The following CD44 variants were observed in gnomAD, a reference collection of about 807,000 sequenced individuals.
CD44 encodes CD44 antigen.
CD44 carries 49 observed loss-of-function variants against 88.8 expected under a neutral mutation model. The observed-to-expected ratio is 0.55, with a 90% CI of 0.44 to 0.70. The LOEUF is 0.70. CD44 is among the 30% of genes least tolerant of loss of function. The pLI is 0.00. For missense variants in CD44, 883 were observed against 913.8 expected, an observed-to-expected ratio of 0.97 and a Z score of 0.43; for synonymous variants, 325 against 312.3, an observed-to-expected ratio of 1.04 and a Z score of -0.43.
At chr11:35,226,338 CCT>C (rs1949686875) in intron 17 of CD44, among the ~76,000 whole-genome samples, 2 of 152,290 alleles carry the variant, frequency 1.3e-5, no homozygotes, top group Non-Finnish European at 2.9e-5. Context: ...TCATTCCATC[CCT>C]CAACCACCCA....
chr11:35,184,601 T>C (rs1945471986), intron 3 of CD44, among the ~76,000 whole-genome samples: 1 of 152,174 alleles, frequency 6.6e-6, no homozygotes, highest in African/African-American at 2.4e-5. Flanking sequence ...TTTTGGAAAA[T>C]ATTTTTGAAA....
At chr11:35,199,177 C>T (rs1591212832) in intron 7 of CD44, among the ~76,000 whole-genome samples, 2 of 152,282 alleles carry the variant, frequency 1.3e-5, no homozygotes, top group East Asian at 3.9e-4. Context: ...TTTAGCAAGA[C>T]ATTGCCACTT....
At chr11:35,218,521 G>T (rs1949025366) in intron 15 of CD44, among the ~76,000 whole-genome samples, 1 of 151,944 alleles carries the variant, frequency 6.6e-6, no homozygotes, top group Non-Finnish European at 1.5e-5. Flanking sequence ...TAGAGACGGG[G>T]TTTCACCATG....
At position 35,186,875 on chromosome 11, in the gene CD44, T is replaced by G; in HGVS notation, c.411T>G (p.Asn137Lys). ...GTACATCAGTCACAGACCTGCCCAA[T>G]GCCTTTGATGGACCAATTACCATAA... ...EDCTSVTDLP[N>K]AFDGPITITI... Residue 137 changes from asparagine (N) to lysine (K), a missense_variant, in exon 4 of 18, where the codon AAT becomes AAG. Coordinates refer to ENST00000428726, the MANE Select transcript of CD44 (RefSeq NM_000610.4). The G allele has an allele frequency of 6.2e-7, 1 of 1,606,354 alleles. No individual in the cohort carries two copies. Among genetic ancestry groups the G allele is most frequent in the East Asian group, 2.2e-5 (1 of 44,842 alleles).
intron 15 of CD44, among the ~76,000 whole-genome samples, chr11:35,216,997 G>A (rs1281266951): frequency 6.6e-6 from 1 of 152,204 alleles, no homozygotes; most frequent in East Asian, 1.9e-4. Context: ...CAGATTACAT[G>A]TCATCTCCCA....
At position 35,213,332 on chromosome 11, in the gene CD44, A is replaced by G. The variant is rs569283763; in HGVS notation, c.1811-1520A>G. Reference sequence around the variant, plus strand: ...CAATTCTCATCCTTGGTTTTCTTCAAAAACACTCACCCACATAAATCTCAT... The same window carrying G: ...CAATTCTCATCCTTGGTTTTCTTCAGAAACACTCACCCACATAAATCTCAT... On this transcript the variant is annotated intron_variant, in intron 14 of 17. Transcript: ENST00000428726. Among the ~76,000 whole-genome samples, 6 of 152,272 alleles carry G rather than the reference A, an allele frequency of 3.9e-5. No individual in the cohort carries two copies. The East Asian group carries it at 1.2e-3, about 29-fold the overall frequency.
intron 7 of CD44, 109 bp from the exon 8 acceptor site, chr11:35,200,973 G>T (rs1167984065): frequency 1.2e-6 from 1 of 807,186 alleles, no homozygotes; most frequent in Non-Finnish European, 2.2e-6. Flanking sequence ...ATACAACCTG[G>T]TATAGATGAT....
chr11:35,144,047 G>A (rs768973492), intron 1 of CD44, among the ~76,000 whole-genome samples: 1 of 152,226 alleles, frequency 6.6e-6, no homozygotes, highest in Non-Finnish European at 1.5e-5. Context: ...GCTGACATGG[G>A]TCTTGAACTG....
intron 1 of CD44, among the ~76,000 whole-genome samples, chr11:35,167,400 C>T (rs1943417000): frequency 6.6e-6 from 1 of 152,148 alleles, no homozygotes; most frequent in African/African-American, 2.4e-5. Context: ...ATTGTGCCTC[C>T]TGGCTTTAAA....
intron 3 of CD44, among the ~76,000 whole-genome samples, chr11:35,181,789 T>TA (rs1945043630): frequency 1.0e-5 from 1 of 98,900 alleles, no homozygotes; most frequent in Non-Finnish European, 1.9e-5. Flanking sequence ...TTTATATAAA[T>TA]TTATATATAA....
chr11:35,215,935 C>A (rs1291676341), intron 15 of CD44, among the ~76,000 whole-genome samples: 2 of 149,208 alleles, frequency 1.3e-5, no homozygotes, highest in African/African-American at 2.5e-5. Flanking sequence ...TAGAGTTTAT[C>A]TAGTATGAAC....
chr11:35,152,897 C>G (rs925210559), intron 1 of CD44, among the ~76,000 whole-genome samples: 1 of 152,182 alleles, frequency 6.6e-6, no homozygotes. Flanking sequence ...TCATCAGATG[C>G]TTTGCTAGTG....
At position 35,211,028 on chromosome 11, in the gene CD44, T is replaced by C. The variant is rs181700766; in HGVS notation, c.1607-218T>C. Reference sequence around the variant, plus strand: ...TTGCAACAAATGCCAATTCTGGGTATTAAGATCACCAAAATCTCTTCTGTT... The same window carrying C: ...TTGCAACAAATGCCAATTCTGGGTACTAAGATCACCAAAATCTCTTCTGTT... On this transcript the variant is annotated intron_variant, in intron 13 of 17. Transcript: ENST00000428726. Among the ~76,000 whole-genome samples the C allele has an allele frequency of 2.0e-5, 3 of 152,352 alleles. No individual in the cohort carries two copies. In the East Asian group the frequency reaches 5.8e-4, roughly 29 times the overall value.
chr11:35,163,155 T>C (rs1302897384), intron 1 of CD44, among the ~76,000 whole-genome samples: 1 of 152,230 alleles, frequency 6.6e-6, no homozygotes, highest in Non-Finnish European at 1.5e-5. Context: ...TGAATCTTGT[T>C]CTGTTTTAAT....
chr11:35,206,299 GCTGA>G (rs1241401628), intron 11 of CD44, 56 bp downstream of exon 11: 1 of 1,512,720 alleles, frequency 6.6e-7, no homozygotes, highest in African/African-American at 1.4e-5. Flanking sequence ...CTGAGTGACT[GCTGA>G]CTATTTTTCT....
chr11:35,150,611 T>C (rs942113757), intron 1 of CD44, among the ~76,000 whole-genome samples: 15 of 152,234 alleles, frequency 9.9e-5, no homozygotes, highest in African/African-American at 3.6e-4. Context: ...GCTGACTTTA[T>C]ACCCATCTGG....
At chr11:35,183,117 T>C (rs1945316348) in intron 3 of CD44, among the ~76,000 whole-genome samples, 1 of 152,150 alleles carries the variant, frequency 6.6e-6, no homozygotes, top group Admixed American at 6.5e-5. Context: ...AATGGATGAA[T>C]TAAATAATAA....
Position 35,176,572 on chromosome 11 carries a change from T to C in CD44, c.68-3T>C, listed in dbSNP as rs1370158663. ...AATCTAACATTTCTATTTCTTCCCA[T>C]AGATTTGAATATAACCTGCCGCTTT... On this transcript the variant is annotated splice_region_variant and splice_polypyrimidine_tract_variant and intron_variant, in intron 1 of 17. Transcript: ENST00000428726. 1.2e-6 allele frequency: 2 copies of C among 1,600,920 alleles called. No homozygotes were observed. Among genetic ancestry groups the C allele is most frequent in the Non-Finnish European group, 8.5e-7 (1 of 1,175,746 alleles).
intron 4 of CD44, among the ~76,000 whole-genome samples, 193 bp from the exon 5 acceptor site, chr11:35,189,642 G>A (rs1325188379): frequency 6.6e-6 from 1 of 152,144 alleles, no homozygotes; most frequent in Non-Finnish European, 1.5e-5. Flanking sequence ...CTTGTTTCCT[G>A]CCTCATCCCC....
Sources: allele counts gnomAD v4.1 joint callset (sites outside exome capture counted in the v4.1 genomes callset), GRCh38; gene constraint gnomAD v4.1.1; transcripts MANE v1.5; gene names NCBI Gene and HGNC (gene_info 2026-07-23, HGNC 2026-07-21).